The following KCNQ3 variants were observed in gnomAD, a reference collection of about 807,000 sequenced individuals.
KCNQ3 encodes the protein potassium voltage-gated channel subfamily Q member 3, also known as potassium voltage-gated channel subfamily KQT member 3.
In KCNQ3, 30 loss-of-function variants were observed where a neutral mutation model predicts 92.5. That is an observed-to-expected ratio of 0.32 (90% CI 0.24 to 0.44). The LOEUF (loss-of-function observed/expected upper bound fraction) is 0.44. Among genes scored for constraint, KCNQ3 ranks in the 20% least tolerant of loss-of-function variants. The probability of loss-of-function intolerance (pLI) is 1.00; values close to 1 mark genes in which losing one functional copy is unlikely to be tolerated. For missense variants in KCNQ3, 913 were observed against 1,140.3 expected (o/e 0.80, Z 2.87); for synonymous variants, 450 against 468.8 (o/e 0.96, Z 0.52).
At position 132,194,055 on chromosome 8, in the gene KCNQ3, G is replaced by C. The variant is rs535866290; in HGVS notation, c.387-7874C>G. On this transcript the variant is annotated intron_variant, in intron 1 of 14. Transcript: ENST00000388996. ...GCTGGCTCCTGCTCTAATTACAGCT[G>C]TCAATGGACAGCTTTCAGAGCATCT... 7.9e-5 allele frequency among the ~76,000 whole-genome samples: 12 copies of C among 152,324 alleles called. No homozygotes were observed. In the South Asian group the frequency reaches 2.3e-3, roughly 29 times the overall value.
chr8:132,229,869 C>T (rs545945041), intron 1 of KCNQ3, among the ~76,000 whole-genome samples: 5 of 152,182 alleles, frequency 3.3e-5, no homozygotes, highest in African/African-American at 4.8e-5. Flanking sequence ...TAATGACATG[C>T]CACAAACTCC....
In KCNQ3 at chr8:132,181,254, T is replaced by TAGTC. The variant is rs560292609; in HGVS notation, c.605-929_605-926dup. Among the ~76,000 whole-genome samples the TAGTC allele has an allele frequency of 1.3e-3, 202 of 152,278 alleles. 1 individual carries two copies. The highest frequency in any genetic ancestry group is 4.8e-3 in the African/African-American group (198 of 41,564). The stretch of plus-strand genomic sequence containing the variant: ...AACTGATCTGTTTTCTATTTCCTTG[T>TAGTC]AGTCAATTCCCATGTCAATTATCAC... On this transcript the variant is annotated intron_variant, in intron 3 of 14. Coordinates refer to ENST00000388996, the MANE Select transcript of KCNQ3 (RefSeq NM_004519.4).
chr8:132,274,832 G>A (rs553796131), intron 1 of KCNQ3, among the ~76,000 whole-genome samples: 1 of 152,330 alleles, frequency 6.6e-6, no homozygotes, highest in East Asian at 1.9e-4. Context: ...TGAAGGATGA[G>A]AAGGAGCCAA....
At chr8:132,364,767 GA>G (rs1295228495) in intron 1 of KCNQ3, among the ~76,000 whole-genome samples, 6 of 152,126 alleles carry the variant, frequency 3.9e-5, no homozygotes, top group African/African-American at 1.4e-4. Flanking sequence ...TGGGTGGATG[GA>G]TGGGTGAGTC....
intron 1 of KCNQ3, among the ~76,000 whole-genome samples, chr8:132,251,412 T>G (rs1280126053): frequency 6.6e-6 from 1 of 152,230 alleles, no homozygotes; most frequent in Non-Finnish European, 1.5e-5. Context: ...TTGAAGATGC[T>G]GTGGAAGATA....
At chr8:132,215,862 A>G (rs1035217348) in intron 1 of KCNQ3, among the ~76,000 whole-genome samples, 10 of 152,096 alleles carry the variant, frequency 6.6e-5, no homozygotes, top group African/African-American at 2.4e-4. Flanking sequence ...GGACTTTGCT[A>G]AAGTTGTCCC....
At chr8:132,465,966 G>T (rs1287720847) in intron 1 of KCNQ3, among the ~76,000 whole-genome samples, 2 of 152,034 alleles carry the variant, frequency 1.3e-5, no homozygotes, top group East Asian at 1.9e-4. Context: ...TAAAAGGAAA[G>T]AACTCGCCTG....
At chr8:132,240,761 A>T (rs1814968266) in intron 1 of KCNQ3, among the ~76,000 whole-genome samples, 1 of 152,220 alleles carries the variant, frequency 6.6e-6, no homozygotes, top group Admixed American at 6.5e-5. Flanking sequence ...CTCAGTAAAT[A>T]TTTATTGAAC....
chr8:132,414,296 G>A (rs923366579), intron 1 of KCNQ3, among the ~76,000 whole-genome samples: 2 of 152,166 alleles, frequency 1.3e-5, no homozygotes, highest in Non-Finnish European at 2.9e-5. Context: ...AGAGTCAGGA[G>A]GGAGCAGGGA....
intron 1 of KCNQ3, among the ~76,000 whole-genome samples, chr8:132,325,671 GAC>G (rs1818027459): frequency 6.6e-6 from 1 of 152,206 alleles, no homozygotes; most frequent in South Asian, 2.1e-4. Flanking sequence ...CCACCCTGTT[GAC>G]ACCTTGATCT....
At chr8:132,285,378 G>T (rs1301516803) in intron 1 of KCNQ3, among the ~76,000 whole-genome samples, 1 of 152,234 alleles carries the variant, frequency 6.6e-6, no homozygotes, top group Non-Finnish European at 1.5e-5. Context: ...GATGGAAAAT[G>T]AGGAATATCT....
chr8:132,274,251 A>C (rs556476200), intron 1 of KCNQ3, among the ~76,000 whole-genome samples: 3 of 152,308 alleles, frequency 2.0e-5, no homozygotes, highest in African/African-American at 7.2e-5. Context: ...AGGAAGTCAC[A>C]TCTTACATGG....
At chr8:132,307,250 T>C (rs1170811512) in intron 1 of KCNQ3, among the ~76,000 whole-genome samples, 1 of 152,204 alleles carries the variant, frequency 6.6e-6, no homozygotes, top group Non-Finnish European at 1.5e-5. Context: ...AGTGACACCA[T>C]GTGGCAGTGA....
intron 1 of KCNQ3, chr8:132,186,457 A>G: frequency 2.4e-6 from 1 of 414,186 alleles, no homozygotes; most frequent in South Asian, 2.1e-5. Flanking sequence ...AATTTAAACT[A>G]GATCATCTGG....
chr8:132,293,998 TG>T (rs1403125507), intron 1 of KCNQ3, among the ~76,000 whole-genome samples: 1,556 of 112,684 alleles, frequency 0.014, 39 homozygotes, highest in African/African-American at 0.044. Context: ...TGTGTGTGTG[TG>T]GTTTTTTTTT....
At position 132,446,968 on chromosome 8, in the gene KCNQ3, C is replaced by T. The variant is rs1232146374; in HGVS notation, c.386+33179G>A. Among the ~76,000 whole-genome samples the T allele has an allele frequency of 4.6e-5, 7 of 152,308 alleles. No individual in the cohort carries two copies. The East Asian group carries it at 5.8e-4, about 13-fold the overall frequency. ...ATGTGAATGGCCTCAGAAAATCAAA[C>T]GATAGAAGTCAGAGAGGAATGTCCA... On this transcript the variant is annotated intron_variant, in intron 1 of 14. Transcript: ENST00000388996.
chr8:132,353,686 C>T (rs1397713686), intron 1 of KCNQ3, among the ~76,000 whole-genome samples: 3 of 151,982 alleles, frequency 2.0e-5, no homozygotes, highest in African/African-American at 2.4e-5. Context: ...TGGTGGCGCA[C>T]GGCTGTAATC....
chr8:132,418,938 C>T (rs1271935612), intron 1 of KCNQ3, among the ~76,000 whole-genome samples: 1 of 152,118 alleles, frequency 6.6e-6, no homozygotes, highest in Non-Finnish European at 1.5e-5. Flanking sequence ...CTTTAAAAGC[C>T]ATGTGACGTA....
At chr8:132,206,208 C>T (rs1033440711) in intron 1 of KCNQ3, among the ~76,000 whole-genome samples, 3 of 152,158 alleles carry the variant, frequency 2.0e-5, no homozygotes, top group Non-Finnish European at 4.4e-5. Context: ...CATCCCTGTC[C>T]TTCCACCCTA....
Sources: allele counts gnomAD v4.1 joint callset (sites outside exome capture counted in the v4.1 genomes callset), GRCh38; gene constraint gnomAD v4.1.1; transcripts MANE v1.5; gene names NCBI Gene and HGNC (gene_info 2026-07-23, HGNC 2026-07-21).